Variants in TMCO6 observed in about 807,000 individuals in gnomAD.
TMCO6 encodes transmembrane and coiled-coil domain-containing protein 6.
Under a neutral mutation model 61.8 loss-of-function variants are expected in TMCO6, and 47 were observed. That is an observed-to-expected ratio of 0.76 (90% CI 0.60 to 0.97). The LOEUF is 0.97. TMCO6 is among the 50% of genes least tolerant of loss of function. The probability of loss-of-function intolerance (pLI) is 0.00; values close to 1 mark genes in which losing one functional copy is unlikely to be tolerated. For synonymous variants in TMCO6, 261 were observed against 254.2 expected, an observed-to-expected ratio of 1.03 and a Z score of -0.25; for missense variants, 557 against 601.6, an observed-to-expected ratio of 0.93 and a Z score of 0.78.
downstream of TMCO6, chr5:140,647,607 A>T: frequency 6.2e-7 from 1 of 1,605,802 alleles, no homozygotes; most frequent in Non-Finnish European, 8.5e-7. Context: ...GAAGTCGCCA[A>T]TTCCAGGTCT....
chr5:140,643,317 C>G, intron 7 of TMCO6: 1 of 584,110 alleles, frequency 1.7e-6, no homozygotes, highest in Non-Finnish European at 3.0e-6. Context: ...CTGCCTCAGC[C>G]TCCTGAGTAG....
upstream of TMCO6, among the ~76,000 whole-genome samples, chr5:140,637,318 T>C (rs1301435277): frequency 6.6e-6 from 1 of 152,192 alleles, no homozygotes; most frequent in African/African-American, 2.4e-5. Context: ...TCACTAGTGT[T>C]TCCTCAGTGC....
In TMCO6 at chr5:140,645,030, A is replaced by G. The variant is rs1305334532; in HGVS notation, c.1414A>G (p.Arg472Gly). Residue 472 changes from arginine to glycine, a missense_variant, in exon 12 of 12, where the codon AGG becomes GGG. Arg to Gly is a moderately radical substitution (Grantham distance 125, BLOSUM62 -2). Transcript: ENST00000394671. ...LQQSGLQALE[R>G]HQEEAQLQDR... is the part of the protein sequence containing the mutation. ...GCAGTCAGGGCTGCAAGCCCTGGAA[A>G]GGCATCAGGAAGAGGCCCAGCTCCA... The G allele has an allele frequency of 6.2e-7, 1 of 1,614,224 alleles. No homozygotes were observed. The highest frequency in any genetic ancestry group is 1.1e-5 in the South Asian group (1 of 91,084).
At chr5:140,616,336 G>GA in the TMCO6 span, among the ~76,000 whole-genome samples, 1 of 151,990 alleles carries the variant, frequency 6.6e-6, no homozygotes, top group African/African-American at 2.4e-5. Flanking sequence ...AATGCGGGAG[G>GA]ATTGCTTGAG....
At chr5:140,647,660 C>T (rs1258838431), downstream of TMCO6, 1 of 1,549,624 alleles carries the variant, frequency 6.5e-7, no homozygotes, top group African/African-American at 1.4e-5. Flanking sequence ...GACCCTAAAG[C>T]CTAGCCCATA....
chr5:140,636,204 G>T (rs952773141), upstream of TMCO6, among the ~76,000 whole-genome samples: 2 of 152,152 alleles, frequency 1.3e-5, no homozygotes, highest in African/African-American at 4.8e-5. Context: ...CACCATGTTG[G>T]TCATGCTGGT....
the TMCO6 span, among the ~76,000 whole-genome samples, chr5:140,626,201 T>C: frequency 0.2 from 29,575 of 151,402 alleles, 3,425 homozygotes; most frequent in East Asian, 0.3. Context: ...TGTCCACCTG[T>C]GAGTGGCTCT....
the TMCO6 span, among the ~76,000 whole-genome samples, chr5:140,604,282 C>T: frequency 6.6e-6 from 1 of 151,880 alleles, no homozygotes; most frequent in African/African-American, 2.4e-5. Context: ...GTAGTAACAG[C>T]ACTCAGGAGG....
chr5:140,634,970 T>A (rs896398895), upstream of TMCO6, among the ~76,000 whole-genome samples: 1 of 151,656 alleles, frequency 6.6e-6, no homozygotes, highest in Non-Finnish European at 1.5e-5. Context: ...TTAGTAGAGA[T>A]GGGGTTTCTC....
intron 11 of TMCO6, 70 bp from the exon 12 acceptor site, chr5:140,644,915 C>T (rs1458568911): frequency 6.4e-7 from 1 of 1,553,422 alleles, no homozygotes; most frequent in Non-Finnish European, 8.9e-7. Flanking sequence ...TAGGCTGACC[C>T]ATGAGGCTGT....
chr5:140,634,970 T>C (rs896398895), upstream of TMCO6, among the ~76,000 whole-genome samples: 1 of 151,656 alleles, frequency 6.6e-6, no homozygotes, highest in Non-Finnish European at 1.5e-5. Context: ...TTAGTAGAGA[T>C]GGGGTTTCTC....
the TMCO6 span, among the ~76,000 whole-genome samples, chr5:140,600,469 GTT>G: frequency 2.2e-5 from 3 of 138,368 alleles, no homozygotes; most frequent in Non-Finnish European, 1.6e-5. Flanking sequence ...AATTTGTTTT[GTT>G]TTTTTTTTTT....
chr5:140,642,406 C>G lies in TMCO6; in HGVS notation c.590C>G (p.Ala197Gly), dbSNP rs960853239. Reference sequence around the variant, plus strand: ...CCACAGGGCATTGTTCCAGCCTTGGCTGCCTGCATCCAGGTGACTCCTTTC... The same window carrying G: ...CCACAGGGCATTGTTCCAGCCTTGGGTGCCTGCATCCAGGTGACTCCTTTC... ...LLPQGIVPAL[A>G]ACIQSPHVAV... Residue 197 changes from alanine to glycine, a missense_variant, in exon 5 of 12, where the codon GCT becomes GGT. By Grantham distance (60) the Ala-to-Gly change is moderately conservative. Coordinates refer to ENST00000394671, the MANE Select transcript of TMCO6 (RefSeq NM_018502.5). The G allele has an allele frequency of 6.2e-7, 1 of 1,612,874 alleles. No homozygotes were observed. Among genetic ancestry groups the G allele is most frequent in the Non-Finnish European group, 8.5e-7 (1 of 1,179,396 alleles).
the TMCO6 span, among the ~76,000 whole-genome samples, chr5:140,630,615 G>A: frequency 6.0e-3 from 918 of 152,214 alleles, 8 homozygotes; most frequent in African/African-American, 0.022. Flanking sequence ...GCTATTCAAG[G>A]GAAGAAAAAA....
the TMCO6 span, among the ~76,000 whole-genome samples, chr5:140,625,869 G>A: frequency 2.6e-5 from 4 of 152,174 alleles, no homozygotes; most frequent in Non-Finnish European, 4.4e-5. Flanking sequence ...TTTACAAGGT[G>A]GAGATGACAG....
the TMCO6 span, among the ~76,000 whole-genome samples, chr5:140,602,510 C>T: frequency 2.0e-5 from 3 of 152,108 alleles, no homozygotes; most frequent in East Asian, 3.8e-4. Flanking sequence ...CACCTGTAAT[C>T]CCAGCACTTT....
At chr5:140,634,098 T>C in the TMCO6 span, among the ~76,000 whole-genome samples, 26 of 152,270 alleles carry the variant, frequency 1.7e-4, no homozygotes, top group Middle Eastern at 3.4e-3. Flanking sequence ...GTACTAACTT[T>C]CTTAAAAGTG....
downstream of TMCO6, chr5:140,647,278 CT>C: frequency 1.3e-6 from 2 of 1,563,710 alleles, no homozygotes; most frequent in Non-Finnish European, 1.7e-6. Flanking sequence ...AGAGCTTGGG[CT>C]GCACATCGGA....
chr5:140,631,793 G>A, the TMCO6 span: 10 of 1,447,914 alleles, frequency 6.9e-6, no homozygotes, highest in Non-Finnish European at 9.3e-6. Flanking sequence ...AGTCCTCAAC[G>A]TCCTGACGGG....
Sources: gnomAD v4.1 joint callset for allele counts (sites outside exome capture counted in the v4.1 genomes callset) on GRCh38, gnomAD v4.1.1 for gene constraint, MANE v1.5 for transcripts, NCBI Gene and HGNC (gene_info 2026-07-23, HGNC 2026-07-21) for gene names.